Variants in ENO1 observed in about 807,000 individuals in gnomAD.
ENO1 encodes the protein enolase 1.
Under a neutral mutation model 46.3 loss-of-function variants are expected in ENO1, and 33 were observed. The ratio of observed to expected loss-of-function variants is 0.71; its 90% CI spans 0.54 to 0.95. The LOEUF is 0.95. Among genes scored for constraint, ENO1 ranks in the 40% least tolerant of loss-of-function variants. ENO1 has a pLI of 0.00. For missense variants in ENO1, 488 were observed against 553.3 expected (o/e 0.88, Z 1.18); for synonymous variants, 220 against 216.0 (o/e 1.02, Z -0.16).
chr1:8,878,346 T>A (rs1642780523), intron 1 of ENO1: 10 of 310,934 alleles, frequency 3.2e-5, no homozygotes, highest in South Asian at 2.4e-4. Flanking sequence ...ATCTGCACTT[T>A]CCCCTCCAAA....
At chr1:8,868,763 G>A (rs1642574147) in intron 4 of ENO1, among the ~76,000 whole-genome samples, 1 of 152,158 alleles carries the variant, frequency 6.6e-6, no homozygotes, top group Admixed American at 6.5e-5. Context: ...TCAGCTCACT[G>A]CAACCTCCAC....
At chr1:8,874,770 T>C (rs1642702525) in intron 2 of ENO1, 54 bp downstream of exon 2, 1 of 1,523,200 alleles carries the variant, frequency 6.6e-7, no homozygotes. Context: ...GTAGAAAATT[T>C]TTAAAATGAA....
rs752534331 is a variant in ENO1, at chr1:8,865,503, C to A, written c.668-21G>T. On this transcript the variant is annotated intron_variant, in intron 7 of 11. Transcript: ENST00000234590. Reference sequence around the variant, plus strand: ...CAGGCCTGGGAAGAGATGGTGACAACAGGTTTGGAAAACAGGTAGGTACAG... The same window carrying A: ...CAGGCCTGGGAAGAGATGGTGACAAAAGGTTTGGAAAACAGGTAGGTACAG... 8.1e-6 allele frequency: 13 copies of A among 1,611,504 alleles called. No individual in the cohort carries two copies. In the Admixed American group the frequency reaches 2.0e-4, roughly 25 times the overall value.
intron 4 of ENO1, 196 bp downstream of exon 4, chr1:8,870,256 A>G: frequency 1.6e-6 from 1 of 619,536 alleles, no homozygotes; most frequent in South Asian, 2.2e-5. Context: ...ATGCAATTCC[A>G]TCTGCTCCCA....
intron 8 of ENO1, among the ~76,000 whole-genome samples, chr1:8,864,584 G>A (rs142808045): frequency 2.3e-3 from 343 of 152,242 alleles, no homozygotes; most frequent in Non-Finnish European, 3.5e-3. Context: ...GATTCCAGGC[G>A]TGAGCCACCA....
rs1212898965 is a variant in ENO1 at position 8,866,307 on chromosome 1, A to G, written c.639T>C (p.Phe213=). 1.2e-6 allele frequency: 2 copies of G among 1,613,992 alleles called. No individual in the cohort carries two copies. The highest frequency in any genetic ancestry group is 1.7e-6 in the Non-Finnish European group (2 of 1,180,034). ...CTTTATTCTCCAGGATGTTGGGAGC[A>G]AACCCGCCTTCATCCCCCACATTGG... ...DATNVGDEGG[F]APNILENKEG... is the part of the protein sequence containing the mutation. Residue 213 remains phenylalanine, a synonymous_variant, in exon 7 of 12, where the codon TTT becomes TTC. Transcript: ENST00000234590.
At chr1:8,865,573 A>T in intron 7 of ENO1, 91 bp from the exon 8 acceptor site, 1 of 1,283,424 alleles carries the variant, frequency 7.8e-7, no homozygotes, top group Non-Finnish European at 1.1e-6. Context: ...CTGTAACACA[A>T]AGATCAACAG....
intron 5 of ENO1, among the ~76,000 whole-genome samples, chr1:8,867,632 T>G (rs1242360116): frequency 6.6e-6 from 1 of 152,126 alleles, no homozygotes; most frequent in Non-Finnish European, 1.5e-5. Flanking sequence ...CTTGGCTTAC[T>G]GCAAGCTCCG....
Position 8,866,426 on chromosome 1 carries a change from C to G in ENO1, c.520G>C (p.Gly174Arg), listed in dbSNP as rs371371408. Residue 174 changes from glycine to arginine, a missense_variant, in exon 7 of 12, where the codon GGT (glycine) becomes CGT (arginine). Transcript: ENST00000234590. Reference sequence around the variant, plus strand: ...ATGGCTTCCCTGAAGTTTGCTGCACCGACTGGGAGGATCATGAACTCCTGC... The same window carrying G: ...ATGGCTTCCCTGAAGTTTGCTGCACGGACTGGGAGGATCATGAACTCCTGC... ...AMQEFMILPV[G>R]AANFREAMRI... The G allele has an allele frequency of 6.8e-6, 11 of 1,614,094 alleles. No individual in the cohort carries two copies. Among genetic ancestry groups the G allele is most frequent in the Non-Finnish European group, 8.5e-6 (10 of 1,180,054 alleles).
chr1:8,873,144 T>G (rs1557586664), intron 2 of ENO1, among the ~76,000 whole-genome samples: 2 of 152,194 alleles, frequency 1.3e-5, no homozygotes, highest in Admixed American at 6.5e-5. Context: ...AAAGACAAGA[T>G]GAAAACAAGA....
chr1:8,870,935 C>T (rs183238110), intron 3 of ENO1: 27 of 1,252,086 alleles, frequency 2.2e-5, no homozygotes, highest in East Asian at 1.5e-4. Context: ...AGAAGAGAAC[C>T]GGTGATTAAG....
In ENO1 at chr1:8,866,304, A is replaced by C; in HGVS notation, c.642T>G (p.Ala214=). The C allele has an allele frequency of 6.2e-7, 1 of 1,613,838 alleles. No homozygotes were observed. The highest frequency in any genetic ancestry group is 8.5e-7 in the Non-Finnish European group (1 of 1,179,976). ...CTTCTTTATTCTCCAGGATGTTGGG[A>C]GCAAACCCGCCTTCATCCCCCACAT... ...ATNVGDEGGF[A]PNILENKEGL... The change falls in exon 7 of 12, where the codon GCT becomes GCG. Residue 214 remains alanine, a synonymous_variant. Transcript: ENST00000234590.
intron 1 of ENO1, chr1:8,877,721 C>A (rs1489211373): frequency 1.4e-5 from 2 of 147,898 alleles, no homozygotes; most frequent in African/African-American, 5.0e-5. Flanking sequence ...AAAAAAAAAA[C>A]AAAATTAGCC....
intron 6 of ENO1, 86 bp from the exon 7 acceptor site, chr1:8,866,587 C>T: frequency 7.0e-7 from 1 of 1,429,312 alleles, no homozygotes; most frequent in South Asian, 1.2e-5. Context: ...CCATCCCAAT[C>T]TAGCTCACAG....
intron 11 of ENO1, among the ~76,000 whole-genome samples, chr1:8,862,403 G>T (rs1642423537): frequency 6.6e-6 from 1 of 152,186 alleles, no homozygotes; most frequent in Admixed American, 6.5e-5. Flanking sequence ...CAAGTCTCCT[G>T]GTGTTCAGGG....
chr1:8,868,858 T>TA (rs397974992), intron 4 of ENO1, among the ~76,000 whole-genome samples: 6 of 151,604 alleles, frequency 4.0e-5, no homozygotes, highest in South Asian at 4.2e-4. Flanking sequence ...ATTTTTTTTT[T>TA]ATAGAGATGG....
intron 1 of ENO1, among the ~76,000 whole-genome samples, chr1:8,876,991 GA>G (rs1642748206): frequency 6.7e-6 from 1 of 148,248 alleles, no homozygotes; most frequent in Non-Finnish European, 1.5e-5. Context: ...ACGCCCAGGT[GA>G]TTTTTTTTTT....
chr1:8,876,783 GA>G (rs1444019138), intron 1 of ENO1, among the ~76,000 whole-genome samples: 8 of 150,396 alleles, frequency 5.3e-5, no homozygotes, highest in Admixed American at 2.0e-4. Context: ...GGGCGACAGA[GA>G]GACTCCGTCT....
At chr1:8,866,082 A>G (rs1421126652) in intron 7 of ENO1, 197 bp downstream of exon 7, 1 of 527,374 alleles carries the variant, frequency 1.9e-6, no homozygotes. Context: ...ATCTCAAAAA[A>G]AAAAAAAAAA....
Sources: gnomAD v4.1 joint callset for allele counts (sites outside exome capture counted in the v4.1 genomes callset) on GRCh38, gnomAD v4.1.1 for gene constraint, MANE v1.5 for transcripts, NCBI Gene and HGNC (gene_info 2026-07-23, HGNC 2026-07-21) for gene names.